HSD17B12: variants seen among roughly 807,000 people sequenced by gnomAD.
HSD17B12 encodes hydroxysteroid 17-beta dehydrogenase 12.
Under a neutral mutation model 39.3 loss-of-function variants are expected in HSD17B12, and 32 were observed. The observed-to-expected ratio is 0.81, with a 90% CI of 0.61 to 1.09. The LOEUF is 1.09. Among genes scored for constraint, HSD17B12 ranks in the 50% least tolerant of loss-of-function variants. The pLI is 0.00. For missense variants in HSD17B12, 342 were observed against 382.9 expected (o/e 0.89, Z 0.89); for synonymous variants, 150 against 146.7 (o/e 1.02, Z -0.16).
At chr11:43,628,860 T>A in the HSD17B12 span, among the ~76,000 whole-genome samples, 1 of 152,060 alleles carries the variant, frequency 6.6e-6, no homozygotes, top group African/African-American at 2.4e-5. Context: ...ATGTAATTTT[T>A]AAACAAGCAT....
At chr11:43,588,289 C>G in the HSD17B12 span, among the ~76,000 whole-genome samples, 1 of 152,068 alleles carries the variant, frequency 6.6e-6, no homozygotes, top group Non-Finnish European at 1.5e-5. Flanking sequence ...AGGAGAGGAC[C>G]CTGGAAGTGA....
chr11:43,765,046 G>A (rs930930474), intron 3 of HSD17B12, among the ~76,000 whole-genome samples: 10 of 151,004 alleles, frequency 6.6e-5, no homozygotes, highest in Admixed American at 2.0e-4. Context: ...TTCTATCCTC[G>A]GTTTGCTGAC....
At chr11:43,696,669 C>A (rs1949914446) in intron 1 of HSD17B12, among the ~76,000 whole-genome samples, 2 of 152,088 alleles carry the variant, frequency 1.3e-5, no homozygotes, top group African/African-American at 2.4e-5. Context: ...TAGGTATATA[C>A]CCAAAGGAAT....
intron 3 of HSD17B12, among the ~76,000 whole-genome samples, chr11:43,779,507 C>G (rs530377886): frequency 2.6e-5 from 4 of 152,082 alleles, no homozygotes; most frequent in Non-Finnish European, 2.9e-5. Flanking sequence ...ATTAGGAGAC[C>G]CAGATTCATC....
chr11:43,811,210 C>T (rs1049078574), intron 4 of HSD17B12, among the ~76,000 whole-genome samples: 2 of 152,174 alleles, frequency 1.3e-5, no homozygotes, highest in African/African-American at 2.4e-5. Context: ...AAAAGATTCG[C>T]ACTATTCTGC....
chr11:43,696,222 T>G (rs1467765285), intron 1 of HSD17B12, among the ~76,000 whole-genome samples: 1 of 152,152 alleles, frequency 6.6e-6, no homozygotes, highest in Admixed American at 6.5e-5. Context: ...GTGTGGTGAT[T>G]ATATGCTAGG....
chr11:43,729,028 A>G (rs1351237134), intron 1 of HSD17B12, among the ~76,000 whole-genome samples: 3 of 152,198 alleles, frequency 2.0e-5, no homozygotes, highest in Non-Finnish European at 4.4e-5. Flanking sequence ...ATTATAATGT[A>G]TTTAGTGGCC....
chr11:43,855,252 T>C lies in HSD17B12; in HGVS notation c.*4T>C, dbSNP rs1951572208. On this transcript the variant is annotated 3_prime_UTR_variant, in exon 11 of 11. Transcript: ENST00000278353. ...GAAGAAAACCAAGAAGAACTAAGCA[T>C]TGATAACTGCATTGTAACTTGGCCA... The C allele has an allele frequency of 6.4e-7, 1 of 1,573,094 alleles. No homozygotes were observed. Among genetic ancestry groups the C allele is most frequent in the East Asian group, 2.3e-5 (1 of 44,404 alleles).
chr11:43,676,797 C>T (rs1211222032), upstream of HSD17B12, among the ~76,000 whole-genome samples: 2 of 152,166 alleles, frequency 1.3e-5, no homozygotes, highest in Non-Finnish European at 2.9e-5. Context: ...GTGGGGGCCA[C>T]AGACAGACAT....
intron 9 of HSD17B12, 31 bp from the exon 10 acceptor site, chr11:43,854,684 A>G: frequency 6.2e-7 from 1 of 1,611,288 alleles, no homozygotes; most frequent in East Asian, 2.2e-5. Flanking sequence ...AATCAATGGC[A>G]TGTTTTCTGG....
intron 6 of HSD17B12, among the ~76,000 whole-genome samples, chr11:43,828,902 T>C (rs1376480943): frequency 6.6e-6 from 1 of 152,218 alleles, no homozygotes. Context: ...CGTAGAATAT[T>C]AACGATTTGT....
At chr11:43,833,727 T>G (rs1951337792) in intron 7 of HSD17B12, 1 of 152,030 alleles carries the variant, frequency 6.6e-6, no homozygotes. Context: ...GCAGAGTCCT[T>G]TATCATGATC....
At chr11:43,822,870 T>C (rs1165337357) in intron 6 of HSD17B12, among the ~76,000 whole-genome samples, 1 of 152,084 alleles carries the variant, frequency 6.6e-6, no homozygotes, top group Admixed American at 6.5e-5. Context: ...CTGGGTCAAA[T>C]GGTATTTGTA....
the HSD17B12 span, among the ~76,000 whole-genome samples, chr11:43,568,356 G>A: frequency 1.6e-3 from 242 of 152,198 alleles, 3 homozygotes; most frequent in Non-Finnish European, 4.3e-4. Flanking sequence ...ACCCGCCTCA[G>A]CCTCCCAAAG....
At chr11:43,821,152 A>G (rs1951178895) in intron 6 of HSD17B12, among the ~76,000 whole-genome samples, 1 of 152,184 alleles carries the variant, frequency 6.6e-6, no homozygotes, top group Non-Finnish European at 1.5e-5. Flanking sequence ...CTCCAGTTTC[A>G]TCCGATGGTT....
intron 3 of HSD17B12, among the ~76,000 whole-genome samples, chr11:43,765,924 C>T (rs1950591134): frequency 6.6e-6 from 1 of 152,170 alleles, no homozygotes; most frequent in Non-Finnish European, 1.5e-5. Context: ...AGCTCTGCCT[C>T]CCGGGTTCAC....
the HSD17B12 span, among the ~76,000 whole-genome samples, chr11:43,574,427 C>T: frequency 3.3e-5 from 5 of 152,182 alleles, no homozygotes; most frequent in African/African-American, 1.2e-4. Flanking sequence ...CTGGTTTTCC[C>T]CCTCTCAGGG....
intron 4 of HSD17B12, among the ~76,000 whole-genome samples, chr11:43,808,185 G>A (rs1459284627): frequency 6.6e-6 from 1 of 152,198 alleles, no homozygotes; most frequent in Non-Finnish European, 1.5e-5. Flanking sequence ...AAGTAGTTGG[G>A]TCGCTGGGCA....
intron 1 of HSD17B12, among the ~76,000 whole-genome samples, chr11:43,713,653 A>G (rs9735378): frequency 0.89 from 135,506 of 152,122 alleles, 60,865 homozygotes; most frequent in East Asian, 0.98. Flanking sequence ...GTTATGGGAT[A>G]GCTGGGTCAA....
Sources: gnomAD v4.1 joint callset for allele counts (sites outside exome capture counted in the v4.1 genomes callset) on GRCh38, gnomAD v4.1.1 for gene constraint, MANE v1.5 for transcripts, NCBI Gene and HGNC (gene_info 2026-07-23, HGNC 2026-07-21) for gene names.